CADPS: variants seen among roughly 807,000 people sequenced by gnomAD.
The protein encoded by CADPS is calcium-dependent secretion activator 1.
Under a neutral mutation model 167.3 loss-of-function variants are expected in CADPS, and 57 were observed. The observed-to-expected ratio is 0.34, with a 90% CI of 0.28 to 0.42. The LOEUF (loss-of-function observed/expected upper bound fraction) is 0.42. Among genes scored for constraint, CADPS ranks in the 20% least tolerant of loss-of-function variants. The pLI is 1.00. For missense variants in CADPS, 1,414 were observed against 1,738.1 expected (o/e 0.81, Z 3.32); for synonymous variants, 676 against 635.3 (o/e 1.06, Z -0.96).
At chr3:62,432,593 A>G (rs1235279423) in intron 28 of CADPS, among the ~76,000 whole-genome samples, 7 of 152,192 alleles carry the variant, frequency 4.6e-5, no homozygotes, top group African/African-American at 1.7e-4. Context: ...AAGCATTTCC[A>G]TTTTGATGAT....
chr3:62,556,088 T>C (rs2078098406), intron 10 of CADPS, among the ~76,000 whole-genome samples: 1 of 152,134 alleles, frequency 6.6e-6, no homozygotes, highest in African/African-American at 2.4e-5. Flanking sequence ...ATCTATTTTT[T>C]TGAAGGATAC....
intron 6 of CADPS, among the ~76,000 whole-genome samples, chr3:62,637,945 C>T (rs74531243): frequency 5.9e-5 from 9 of 152,128 alleles, no homozygotes; most frequent in East Asian, 1.9e-4. Context: ...ACTGAATCAA[C>T]GTTAATGATC....
rs139556700 is a variant in CADPS, at chr3:62,758,138, C to G, written c.556-4365G>C. On this transcript the variant is annotated intron_variant, in intron 2 of 29. Coordinates refer to ENST00000383710, the MANE Select transcript of CADPS (RefSeq NM_003716.4). ...GTACATAGTAGCTACTCAATAAATA[C>G]TTCTGAATTACCAGTGGAAGACAAG... Among the ~76,000 whole-genome samples the G allele has an allele frequency of 5.9e-5, 9 of 152,352 alleles. 1 individual carries two copies. Among genetic ancestry groups the G allele is most frequent in the African/African-American group, 2.2e-4 (9 of 41,592 alleles).
Position 62,706,069 on chromosome 3 carries a change from C to T in CADPS, c.889-43675G>A, listed in dbSNP as rs182151646. ...TTGTCACTATCTGGGCTGCCACCCT[C>T]GGGGTTACATGGCTTCTGACAGCTT... is the stretch of plus-strand genomic sequence containing the variant. On this transcript the variant is annotated intron_variant, in intron 3 of 29. Coordinates refer to ENST00000383710, the MANE Select transcript of CADPS (RefSeq NM_003716.4). 1.8e-3 allele frequency among the ~76,000 whole-genome samples: 278 copies of T among 152,170 alleles called. 1 individual carries two copies. The highest frequency in any genetic ancestry group is 0.012 in the South Asian group (58 of 4,820).
At chr3:62,647,790 C>T (rs556046137) in intron 5 of CADPS, among the ~76,000 whole-genome samples, 18 of 152,320 alleles carry the variant, frequency 1.2e-4, no homozygotes, top group African/African-American at 3.4e-4. Flanking sequence ...TGTGTAATCA[C>T]GTGCAGGTTT....
chr3:62,744,957 G>T (rs889710584), intron 3 of CADPS, among the ~76,000 whole-genome samples: 1 of 152,200 alleles, frequency 6.6e-6, no homozygotes, highest in Non-Finnish European at 1.5e-5. Context: ...AGAGAAGTAA[G>T]AAAAACCACG....
chr3:62,477,161 ATGAT>A (rs2061425791), intron 23 of CADPS, among the ~76,000 whole-genome samples: 1 of 152,070 alleles, frequency 6.6e-6, no homozygotes, highest in Admixed American at 6.6e-5. Context: ...TCCAGTTCTG[ATGAT>A]ATTACTTCAC....
chr3:62,439,964 T>G (rs1011190336), intron 27 of CADPS: 18 of 152,248 alleles, frequency 1.2e-4, no homozygotes, highest in African/African-American at 4.1e-4. Flanking sequence ...ATCTTACCCA[T>G]GTAGTTAAGA....
rs931396546 is a variant in CADPS, at chr3:62,851,864, G to T, written c.441+22725C>A. Reference sequence around the variant, plus strand: ...AAGTTCTCCTGGATAACATCCTGCAGAGTGTTTTCCAACTTGGTTCCATTC... The same window carrying T: ...AAGTTCTCCTGGATAACATCCTGCATAGTGTTTTCCAACTTGGTTCCATTC... On this transcript the variant is annotated intron_variant, in intron 1 of 29. Transcript: ENST00000383710. 6.5e-4 allele frequency among the ~76,000 whole-genome samples: 99 copies of T among 151,764 alleles called. 2 individuals are homozygous for T. Among genetic ancestry groups the T allele is most frequent in the Admixed American group, 4.6e-4 (7 of 15,250 alleles).
intron 1 of CADPS, among the ~76,000 whole-genome samples, chr3:62,792,368 T>G (rs1387867013): frequency 6.6e-6 from 1 of 151,950 alleles, no homozygotes; most frequent in African/African-American, 2.4e-5. Context: ...CATGCCTGGC[T>G]AATTTTTAAA....
chr3:62,450,803 C>A (rs2057929762), intron 26 of CADPS, among the ~76,000 whole-genome samples: 1 of 152,144 alleles, frequency 6.6e-6, no homozygotes, highest in South Asian at 2.1e-4. Flanking sequence ...GATGAACGTG[C>A]TTGCTCCATG....
intron 1 of CADPS, among the ~76,000 whole-genome samples, chr3:62,783,475 G>A (rs994021003): frequency 6.6e-6 from 1 of 152,106 alleles, no homozygotes; most frequent in African/African-American, 2.4e-5. Flanking sequence ...TGTGTTAGCG[G>A]TCCTGGGAAA....
intron 3 of CADPS, among the ~76,000 whole-genome samples, chr3:62,752,869 C>T (rs1334984039): frequency 1.3e-5 from 2 of 152,234 alleles, no homozygotes; most frequent in South Asian, 2.1e-4. Flanking sequence ...TGAGATACCT[C>T]GCTTCCCTAA....
intron 1 of CADPS, among the ~76,000 whole-genome samples, chr3:62,783,507 A>T (rs1216336051): frequency 6.6e-6 from 1 of 152,098 alleles, no homozygotes; most frequent in Non-Finnish European, 1.5e-5. Context: ...GCAAATATAT[A>T]TTGGGGTTCC....
At chr3:62,830,389 C>T (rs1009772018) in intron 1 of CADPS, among the ~76,000 whole-genome samples, 1 of 152,198 alleles carries the variant, frequency 6.6e-6, no homozygotes, top group South Asian at 2.1e-4. Flanking sequence ...TCCTAGTCCA[C>T]TTTAATAGCA....
intron 3 of CADPS, among the ~76,000 whole-genome samples, chr3:62,707,787 AAAATT>A: frequency 6.6e-6 from 1 of 152,190 alleles, no homozygotes; most frequent in Non-Finnish European, 1.5e-5. Flanking sequence ...ATATGTTACT[AAAATT>A]AATTTTACCT....
Position 62,653,017 on chromosome 3 carries a change from T to C in CADPS, c.970-1937A>G, listed in dbSNP as rs150587097. ...CCTACATGAAGGCTGTCATAAGTCT[T>C]GTTCCCCTCTCTCCCTATCTCCCTG... On this transcript the variant is annotated intron_variant, in intron 4 of 29. Coordinates refer to ENST00000383710, the MANE Select transcript of CADPS (RefSeq NM_003716.4). 3.4e-3 allele frequency among the ~76,000 whole-genome samples: 513 copies of C among 152,298 alleles called. 1 individual carries two copies. Among genetic ancestry groups the C allele is most frequent in the African/African-American group, 0.011 (460 of 41,564 alleles).
At chr3:62,791,293 A>G (rs2092923344) in intron 1 of CADPS, among the ~76,000 whole-genome samples, 1 of 152,232 alleles carries the variant, frequency 6.6e-6, no homozygotes, top group African/African-American at 2.4e-5. Context: ...AGTGCTTGCA[A>G]TATGACTAGT....
chr3:62,566,000 T>A (rs576784088), intron 9 of CADPS, among the ~76,000 whole-genome samples: 67 of 152,334 alleles, frequency 4.4e-4, no homozygotes, highest in African/African-American at 1.4e-3. Flanking sequence ...TCAGACAATT[T>A]TCGTTGTTTT....
Sources: allele counts gnomAD v4.1 joint callset (sites outside exome capture counted in the v4.1 genomes callset), GRCh38; gene constraint gnomAD v4.1.1; transcripts MANE v1.5; gene names NCBI Gene and HGNC (gene_info 2026-07-23, HGNC 2026-07-21).